CCSER1: variants seen among roughly 807,000 people sequenced by gnomAD.
The protein encoded by CCSER1 is coiled-coil serine rich protein 1, also known as serine-rich coiled-coil domain-containing protein 1.
In CCSER1, 41 loss-of-function variants were observed where a neutral mutation model predicts 82.0. That is an observed-to-expected ratio of 0.50 (90% confidence interval 0.39 to 0.65). The LOEUF (loss-of-function observed/expected upper bound fraction) is 0.65, where lower values mean the gene tolerates loss of function less well. CCSER1 is among the 30% of genes least tolerant of loss of function. CCSER1 has a pLI of 0.00. For missense variants in CCSER1, 1,119 were observed against 1,064.2 expected (o/e 1.05, Z -0.72); for synonymous variants, 414 against 383.9 (o/e 1.08, Z -0.92).
intron 8 of CCSER1, among the ~76,000 whole-genome samples, chr4:90,859,438 A>G (rs1318716010): frequency 6.6e-6 from 1 of 151,824 alleles, no homozygotes; most frequent in Non-Finnish European, 1.5e-5. Flanking sequence ...TCTCTAGCGA[A>G]GCTTTATGAT....
At chr4:90,268,527 A>AATTACC (rs1725661891) in intron 1 of CCSER1, among the ~76,000 whole-genome samples, 1 of 152,144 alleles carries the variant, frequency 6.6e-6, no homozygotes, top group Non-Finnish European at 1.5e-5. Flanking sequence ...GGTAATCTCA[A>AATTACC]ATAAAAAAAT....
chr4:90,480,126 A>G (rs1170118976), intron 5 of CCSER1, among the ~76,000 whole-genome samples: 1 of 152,332 alleles, frequency 6.6e-6, no homozygotes, highest in Admixed American at 6.5e-5. Context: ...TCTGATGGCC[A>G]GTGATGATGA....
chr4:90,138,356 T>C (rs1265097193), intron 1 of CCSER1, among the ~76,000 whole-genome samples: 2 of 152,122 alleles, frequency 1.3e-5, no homozygotes, highest in African/African-American at 4.8e-5. Context: ...TACGCCCAAC[T>C]AAGAATGACA....
At chr4:90,855,196 A>G (rs567431137) in intron 8 of CCSER1, among the ~76,000 whole-genome samples, 1 of 152,186 alleles carries the variant, frequency 6.6e-6, no homozygotes, top group African/African-American at 2.4e-5. Flanking sequence ...AACCATATGA[A>G]TGACCAGTCA....
intron 9 of CCSER1, among the ~76,000 whole-genome samples, chr4:90,999,296 G>T (rs1023369110): frequency 2.2e-4 from 34 of 152,122 alleles, no homozygotes; most frequent in Non-Finnish European, 4.3e-4. Flanking sequence ...AGGTCTTTGA[G>T]AAATCTCCAA....
intron 9 of CCSER1, among the ~76,000 whole-genome samples, chr4:90,933,478 T>C (rs1469586064): frequency 6.6e-6 from 1 of 151,072 alleles, no homozygotes; most frequent in Non-Finnish European, 1.5e-5. Context: ...TGAGCCACCG[T>C]GCCAGGATGA....
intron 5 of CCSER1, among the ~76,000 whole-genome samples, chr4:90,600,782 A>T (rs73833296): frequency 0.028 from 4,324 of 152,042 alleles, 122 homozygotes; most frequent in African/African-American, 0.068. Context: ...ATTGAAATAC[A>T]TGTAATTATA....
intron 10 of CCSER1, among the ~76,000 whole-genome samples, chr4:91,120,812 A>T (rs944683254): frequency 1.3e-5 from 2 of 151,898 alleles, no homozygotes; most frequent in East Asian, 3.9e-4. Flanking sequence ...GGAATCTGAG[A>T]TGGAGGTAGA....
At chr4:91,001,841 T>C (rs2150478610) in intron 9 of CCSER1, among the ~76,000 whole-genome samples, 1 of 152,296 alleles carries the variant, frequency 6.6e-6, no homozygotes, top group Admixed American at 6.5e-5. Context: ...TGTATTTTTG[T>C]TTTATAGGTA....
chr4:91,153,090 T>C (rs898187127), intron 10 of CCSER1, among the ~76,000 whole-genome samples: 12 of 152,000 alleles, frequency 7.9e-5, no homozygotes, highest in Non-Finnish European at 1.6e-4. Flanking sequence ...TCCTGGATAA[T>C]ATCCCGCAGA....
chr4:91,317,318 A>G lies in CCSER1; in HGVS notation c.2217+231324A>G, dbSNP rs371143205. 5.0e-4 allele frequency among the ~76,000 whole-genome samples: 76 copies of G among 152,018 alleles called. 1 individual carries two copies. The South Asian group carries it at 8.3e-3, about 17-fold the overall frequency. The stretch of plus-strand genomic sequence containing the variant: ...TTCCAACACATCCCTATACTATAGG[A>G]CCTTTGAATTTTTCCTCCAGATATC... On this transcript the variant is annotated intron_variant, in intron 10 of 10. Coordinates refer to ENST00000509176, the MANE Select transcript of CCSER1 (RefSeq NM_001145065.2).
chr4:90,181,247 A>G (rs1184782974), intron 1 of CCSER1, among the ~76,000 whole-genome samples: 1 of 152,210 alleles, frequency 6.6e-6, no homozygotes, highest in Non-Finnish European at 1.5e-5. Context: ...ATTTCCTTGT[A>G]CAAAGTAAGC....
At chr4:90,312,788 G>C (rs925821477) in intron 2 of CCSER1, 75 bp from the exon 3 acceptor site, 5 of 1,152,806 alleles carry the variant, frequency 4.3e-6, no homozygotes, top group Admixed American at 2.6e-5. Flanking sequence ...AGTTTTTCAT[G>C]ATCTTTCAGT....
intron 10 of CCSER1, among the ~76,000 whole-genome samples, chr4:91,393,477 C>A (rs2178656): frequency 0.98 from 148,452 of 152,190 alleles, 72,416 homozygotes; most frequent in East Asian, 1. Context: ...TATTTTTTGT[C>A]GTATTATATT....
chr4:90,227,944 A>T (rs1300834172), intron 1 of CCSER1, among the ~76,000 whole-genome samples: 1 of 152,212 alleles, frequency 6.6e-6, no homozygotes, highest in Admixed American at 6.5e-5. Context: ...CCAGGAGATT[A>T]TATCCCGCAC....
At chr4:90,981,166 G>A (rs1255043698) in intron 9 of CCSER1, among the ~76,000 whole-genome samples, 1 of 151,772 alleles carries the variant, frequency 6.6e-6, no homozygotes, top group Non-Finnish European at 1.5e-5. Context: ...TTCCCAGTGG[G>A]GTTAGGCTTC....
chr4:90,963,386 A>G (rs1272081394), intron 9 of CCSER1, among the ~76,000 whole-genome samples: 4 of 152,184 alleles, frequency 2.6e-5, no homozygotes, highest in African/African-American at 9.7e-5. Context: ...ATATATATAA[A>G]CATATATTAT....
At chr4:90,452,773 C>T (rs1761647797) in intron 4 of CCSER1, among the ~76,000 whole-genome samples, 1 of 152,152 alleles carries the variant, frequency 6.6e-6, no homozygotes, top group Non-Finnish European at 1.5e-5. Context: ...TGTATCTATA[C>T]CTGCAGAATA....
chr4:91,483,655 C>G (rs372857905), intron 10 of CCSER1, among the ~76,000 whole-genome samples: 2 of 151,990 alleles, frequency 1.3e-5, no homozygotes, highest in Admixed American at 6.6e-5. Context: ...AGGCTGGTCT[C>G]GAACTCCTGA....
Sources: gnomAD v4.1 joint callset for allele counts (sites outside exome capture counted in the v4.1 genomes callset) on GRCh38, gnomAD v4.1.1 for gene constraint, MANE v1.5 for transcripts, NCBI Gene and HGNC (gene_info 2026-07-23, HGNC 2026-07-21) for gene names.